The following DENND2B variants were observed in gnomAD, a reference collection of about 807,000 sequenced individuals.
DENND2B encodes DENN domain-containing protein 2B.
Under a neutral mutation model 116.0 loss-of-function variants are expected in DENND2B, and 32 were observed. The ratio of observed to expected loss-of-function variants is 0.28; its 90% CI spans 0.21 to 0.37. The LOEUF is 0.37. Among genes scored for constraint, DENND2B ranks in the 10% least tolerant of loss-of-function variants. The pLI, the probability that DENND2B is intolerant of heterozygous loss-of-function variation, is 1.00. For missense variants in DENND2B, 1,276 were observed against 1,477.7 expected, an observed-to-expected ratio of 0.86 and a Z score of 2.24; for synonymous variants, 588 against 583.9, an observed-to-expected ratio of 1.01 and a Z score of -0.10.
chr11:8,701,919 C>T (rs544386544), intron 14 of DENND2B, among the ~76,000 whole-genome samples: 1 of 152,230 alleles, frequency 6.6e-6, no homozygotes, highest in Admixed American at 6.5e-5. Flanking sequence ...CCTAAACCAG[C>T]TCCCCGACTT....
upstream of DENND2B, chr11:8,811,578 C>G (rs1335959592): frequency 2.7e-6 from 1 of 370,722 alleles, no homozygotes; most frequent in African/African-American, 2.1e-5. Context: ...GTCCCATCCC[C>G]ATCCCCATCC....
intron 1 of DENND2B, among the ~76,000 whole-genome samples, chr11:8,801,995 GAAAAAAA>G (rs35017643): frequency 3.4e-5 from 2 of 58,910 alleles, no homozygotes; most frequent in Non-Finnish European, 5.9e-5. Context: ...CTCTCTTGGG[GAAAAAAA>G]AAAAAAAAAA....
chr11:8,902,070 G>T (rs1014648024), intron 1 of DENND2B, among the ~76,000 whole-genome samples: 1 of 152,154 alleles, frequency 6.6e-6, no homozygotes, highest in Admixed American at 6.5e-5. Flanking sequence ...GCTCATGCCT[G>T]TAATCCCAGC....
chr11:8,695,328 GA>G, intron 19 of DENND2B, 134 bp downstream of exon 19: 1 of 808,472 alleles, frequency 1.2e-6, no homozygotes, highest in Non-Finnish European at 2.0e-6. Flanking sequence ...GTCACTATGG[GA>G]TGTCTACATC....
chr11:8,779,510 CTTTCT>C (rs1300596991), intron 1 of DENND2B, among the ~76,000 whole-genome samples: 2 of 105,564 alleles, frequency 1.9e-5, no homozygotes, highest in African/African-American at 3.4e-5. Flanking sequence ...TTCTTTCTTT[CTTTCT>C]TTTTTTTTTT....
chr11:8,886,319 C>T (rs1219285501), intron 1 of DENND2B, among the ~76,000 whole-genome samples: 1 of 152,054 alleles, frequency 6.6e-6, no homozygotes, highest in African/African-American at 2.4e-5. Flanking sequence ...TAAAACATAT[C>T]CTTTTTAATT....
At chr11:8,800,393 G>C (rs867857109) in intron 1 of DENND2B, among the ~76,000 whole-genome samples, 1 of 152,126 alleles carries the variant, frequency 6.6e-6, no homozygotes, top group South Asian at 2.1e-4. Flanking sequence ...ACAGTTTTGG[G>C]AGCTCTATGC....
At chr11:8,715,971 G>A (rs2044689520) in intron 5 of DENND2B, 153 bp from the exon 6 acceptor site, 2 of 669,916 alleles carry the variant, frequency 3.0e-6, no homozygotes, top group South Asian at 4.3e-5. Flanking sequence ...TAAGACTTTA[G>A]CTGCTAATCA....
chr11:8,781,790 T>C (rs186656486), intron 1 of DENND2B, among the ~76,000 whole-genome samples: 3 of 152,058 alleles, frequency 2.0e-5, no homozygotes, highest in Admixed American at 2.0e-4. Flanking sequence ...AACTGAAAAA[T>C]AAGTAAAAGA....
At chr11:8,755,957 T>C (rs1233717412) in intron 1 of DENND2B, among the ~76,000 whole-genome samples, 1 of 152,198 alleles carries the variant, frequency 6.6e-6, no homozygotes, top group Non-Finnish European at 1.5e-5. Flanking sequence ...CATATTGCTA[T>C]ATGTACAACA....
upstream of DENND2B, among the ~76,000 whole-genome samples, chr11:8,875,565 A>C (rs2063832891): frequency 6.6e-6 from 1 of 151,658 alleles, no homozygotes; most frequent in Non-Finnish European, 1.5e-5. Flanking sequence ...ACCACAACAC[A>C]TGGCTAATCT....
intron 2 of DENND2B, among the ~76,000 whole-genome samples, chr11:8,733,978 T>C (rs2048532584): frequency 6.6e-6 from 1 of 152,182 alleles, no homozygotes; most frequent in Non-Finnish European, 1.5e-5. Flanking sequence ...GTGCTACCCT[T>C]GCCCCAGCCT....
At chr11:8,804,935 TG>T (rs2134446390) in intron 1 of DENND2B, among the ~76,000 whole-genome samples, 1 of 152,348 alleles carries the variant, frequency 6.6e-6, no homozygotes, top group East Asian at 1.9e-4. Flanking sequence ...TTCAAAATGC[TG>T]CTGTAAGTTG....
rs761134445 is a variant in DENND2B, at chr11:8,702,787, G to A, written c.2572-67C>T. 17 of 1,512,744 alleles carry A rather than the reference G, an allele frequency of 1.1e-5. No homozygotes were observed. The highest frequency in any genetic ancestry group is 2.3e-5 in the South Asian group (2 of 86,478). The allele number at this position is 1,512,744 out of a possible 1,614,324, so 93.7% of individuals were successfully genotyped here. A position where few individuals can be genotyped will look rare whatever the true frequency, so the allele number is the denominator to read the frequency against. On this transcript the variant is annotated intron_variant, in intron 13 of 19. Transcript: ENST00000313726. This position sits in a 1 kb window ranked among gnomAD's most constrained non-coding sequence, Gnocchi z 4.6. ...TGGGTGCTGCCCTCTGGCCCTCCAC[G>A]AAGCAACTGGAGCTGCTTTCCCCTT... is the stretch of plus-strand genomic sequence containing the variant.
At chr11:8,814,479 A>G (rs2061501818), upstream of DENND2B, among the ~76,000 whole-genome samples, 2 of 151,984 alleles carry the variant, frequency 1.3e-5, no homozygotes, top group Non-Finnish European at 2.9e-5. Context: ...CTGAGGTGTC[A>G]TATTTTTTCC....
At chr11:8,825,335 G>A (rs1189214940) in intron 4 of DENND2B, among the ~76,000 whole-genome samples, 14 of 151,526 alleles carry the variant, frequency 9.2e-5, no homozygotes, top group Non-Finnish European at 1.9e-4. Context: ...TTTGAAAAGT[G>A]TCTGTTCATG....
At chr11:8,872,713 G>C (rs1253449000), upstream of DENND2B, among the ~76,000 whole-genome samples, 1 of 152,124 alleles carries the variant, frequency 6.6e-6, no homozygotes, top group African/African-American at 2.4e-5. Context: ...GTGTGATGCA[G>C]TCTGCGCATG....
At chr11:8,758,256 G>A (rs919534279) in intron 1 of DENND2B, among the ~76,000 whole-genome samples, 4 of 152,118 alleles carry the variant, frequency 2.6e-5, no homozygotes, top group African/African-American at 9.7e-5. Context: ...ACTAAAAGAT[G>A]GCACTCAGCC....
chr11:8,798,467 C>A (rs544054538), intron 1 of DENND2B, among the ~76,000 whole-genome samples: 5 of 152,150 alleles, frequency 3.3e-5, no homozygotes, highest in African/African-American at 4.8e-5. Context: ...CCCAACCCCC[C>A]CAATGACAAA....
Sources: gnomAD v4.1 joint callset for allele counts (sites outside exome capture counted in the v4.1 genomes callset) on GRCh38, gnomAD v4.1.1 for gene constraint, Gnocchi (gnomAD v3.1) non-coding constraint, MANE v1.5 for transcripts, NCBI Gene and HGNC (gene_info 2026-07-23, HGNC 2026-07-21) for gene names.